The following DAB1 variants were observed in gnomAD, a reference collection of about 807,000 sequenced individuals.
The protein encoded by DAB1 is DAB adaptor protein 1.
DAB1 carries 15 observed loss-of-function variants against 64.6 expected under a neutral mutation model. The ratio of observed to expected loss-of-function variants is 0.23; its 90% CI spans 0.16 to 0.36. The LOEUF is 0.36. Ranked by LOEUF, DAB1 falls within the 10% of genes least tolerant of loss-of-function variation. The probability of loss-of-function intolerance (pLI) is 1.00; values close to 1 mark genes in which losing one functional copy is unlikely to be tolerated. For missense variants in DAB1, 596 were observed against 706.7 expected (o/e 0.84, Z 1.78); for synonymous variants, 235 against 251.9 (o/e 0.93, Z 0.64).
At chr1:57,881,143 G>A (rs554575692) in intron 1 of DAB1, among the ~76,000 whole-genome samples, 1 of 152,300 alleles carries the variant, frequency 6.6e-6, no homozygotes, top group African/African-American at 2.4e-5. Flanking sequence ...CTGTGCACAT[G>A]AAAGCAGTTT....
intron 6 of DAB1, among the ~76,000 whole-genome samples, chr1:57,815,669 TAA>T (rs542137983): frequency 2.8e-4 from 36 of 130,178 alleles, no homozygotes; most frequent in Admixed American, 4.7e-4. Flanking sequence ...TATTTTCAAC[TAA>T]AAAAAAAAAA....
chr1:57,091,857 G>A (rs1270841508), intron 4 of DAB1, among the ~76,000 whole-genome samples: 1 of 152,202 alleles, frequency 6.6e-6, no homozygotes, highest in Non-Finnish European at 1.5e-5. Flanking sequence ...GTTTTTGTTT[G>A]TTTTGGTTTT....
At chr1:57,882,152 G>T (rs1644154027) in intron 1 of DAB1, among the ~76,000 whole-genome samples, 1 of 152,190 alleles carries the variant, frequency 6.6e-6, no homozygotes, top group Non-Finnish European at 1.5e-5. Flanking sequence ...ATGATAGAGA[G>T]TTGGAAGTCA....
At chr1:58,193,888 CAG>C (rs937150699) in intron 4 of DAB1, among the ~76,000 whole-genome samples, 1 of 151,440 alleles carries the variant, frequency 6.6e-6, no homozygotes, top group Non-Finnish European at 1.5e-5. Context: ...CAAAGAAAAA[CAG>C]AGTTACAAAG....
Position 57,129,607 on chromosome 1 carries a change from A to C in DAB1, c.306+6936T>G, listed in dbSNP as rs184420080. Among the ~76,000 whole-genome samples, 230 of 152,268 alleles carry C rather than the reference A, an allele frequency of 1.5e-3. 1 individual carries two copies. The highest frequency in any genetic ancestry group is 5.1e-3 in the African/African-American group (213 of 41,552). On this transcript the variant is annotated intron_variant, in intron 4 of 14. Coordinates refer to ENST00000371236, the MANE Select transcript of DAB1 (RefSeq NM_001365792.1). ...TTTGTGAGCATCAGAAAATGACTCA[A>C]ATCTGTCCAGAGCAATGTTCAAGTC...
chr1:57,901,247 T>C (rs1644469307), intron 5 of DAB1, among the ~76,000 whole-genome samples: 1 of 152,104 alleles, frequency 6.6e-6, no homozygotes, highest in Admixed American at 6.5e-5. Context: ...AAACTTAGAA[T>C]CATGAGCGCC....
intron 1 of DAB1, among the ~76,000 whole-genome samples, chr1:57,386,321 T>C (rs922832732): frequency 1.5e-5 from 2 of 134,512 alleles, no homozygotes; most frequent in Admixed American, 8.5e-5. Flanking sequence ...ACTAGGACAA[T>C]AGAAGGTCAA....
chr1:58,496,841 G>A lies in DAB1; in HGVS notation n.257+9219C>T, dbSNP rs190571285. Among the ~76,000 whole-genome samples the A allele has an allele frequency of 1.2e-3, 190 of 152,252 alleles. 3 individuals are homozygous for A. Among genetic ancestry groups the A allele is most frequent in the African/African-American group, 4.3e-3 (178 of 41,534 alleles). ...CTGAGTTCTAAATAGATTCTACATAGATTTCTCGTGAAGACACATTTCTCA... is the reference window on the plus strand; with the variant it reads ...CTGAGTTCTAAATAGATTCTACATAAATTTCTCGTGAAGACACATTTCTCA... On this transcript the variant is annotated intron_variant and non_coding_transcript_variant, in intron 3 of 20. Transcript: ENST00000485760.
chr1:58,101,362 G>A (rs903733261), intron 5 of DAB1, among the ~76,000 whole-genome samples: 3 of 152,170 alleles, frequency 2.0e-5, no homozygotes, highest in South Asian at 2.1e-4. Context: ...AAAAAGAAAA[G>A]CCTGTCACTG....
At chr1:57,505,522 TTATGG>T (rs1442838326) in intron 7 of DAB1, among the ~76,000 whole-genome samples, 21 of 152,334 alleles carry the variant, frequency 1.4e-4, no homozygotes, top group South Asian at 1.2e-3. Context: ...GTGGGTGTCC[TTATGG>T]AAGATGGGAT....
At chr1:57,755,395 A>G (rs1000991872) in intron 6 of DAB1, among the ~76,000 whole-genome samples, 1 of 152,052 alleles carries the variant, frequency 6.6e-6, no homozygotes, top group African/African-American at 2.4e-5. Flanking sequence ...GTATATGTAT[A>G]TTTTCCCGTA....
intron 2 of DAB1, among the ~76,000 whole-genome samples, chr1:57,240,002 T>A (rs1247468634): frequency 6.6e-6 from 1 of 152,254 alleles, no homozygotes; most frequent in African/African-American, 2.4e-5. Flanking sequence ...TGAATTAAAC[T>A]GTGATTCATT....
intron 9 of DAB1, 110 bp from the exon 10 acceptor site, chr1:57,026,153 C>T (rs1646780303): frequency 3.8e-6 from 3 of 781,566 alleles, no homozygotes; most frequent in Non-Finnish European, 6.4e-6. Context: ...TTCATCATCT[C>T]TAGATAAACC....
chr1:57,778,356 T>C lies in DAB1; in HGVS notation n.551+105643A>G, dbSNP rs572635861. On this transcript the variant is annotated intron_variant and non_coding_transcript_variant, in intron 6 of 20. Coordinates refer to the DAB1 transcript ENST00000485760. ...TCATCATTTCCTCAGCTCTTCAGTTTGCCATCCCTGCTTGATATACACCTC... is the reference window on the plus strand; with the variant it reads ...TCATCATTTCCTCAGCTCTTCAGTTCGCCATCCCTGCTTGATATACACCTC... Among the ~76,000 whole-genome samples the C allele has an allele frequency of 2.6e-5, 4 of 151,842 alleles. No homozygotes were observed. In the South Asian group the frequency reaches 8.3e-4, roughly 32 times the overall value.
chr1:57,565,566 G>A (rs1645108967), intron 7 of DAB1, among the ~76,000 whole-genome samples: 1 of 152,136 alleles, frequency 6.6e-6, no homozygotes, highest in Admixed American at 6.5e-5. Context: ...TCAAAATAAA[G>A]GGATGGAGGA....
At chr1:58,518,275 G>GA (rs1480166115) in intron 2 of DAB1, among the ~76,000 whole-genome samples, 22 of 8,624 alleles carry the variant, frequency 2.6e-3, no homozygotes, top group Non-Finnish European at 3.9e-3. Context: ...GGAGAGAGGA[G>GA]AGGAGAAGAG....
chr1:57,660,890 C>G (rs4912273), intron 6 of DAB1, among the ~76,000 whole-genome samples: 46,934 of 152,128 alleles, frequency 0.31, 7,706 homozygotes, highest in Non-Finnish European at 0.38. Flanking sequence ...TAGCTTCCCA[C>G]TCTGACTGGC....
At chr1:58,455,379 C>T (rs1645183715) in intron 3 of DAB1, among the ~76,000 whole-genome samples, 1 of 152,202 alleles carries the variant, frequency 6.6e-6, no homozygotes, top group South Asian at 2.1e-4. Flanking sequence ...CCTTAATACC[C>T]TAGGATTGCA....
At chr1:58,137,629 G>A (rs1277969682) in intron 5 of DAB1, among the ~76,000 whole-genome samples, 1 of 151,858 alleles carries the variant, frequency 6.6e-6, no homozygotes, top group Non-Finnish European at 1.5e-5. Context: ...TTCAACCATT[G>A]ATTCATCCTT....
Sources: gnomAD v4.1 joint callset for allele counts (sites outside exome capture counted in the v4.1 genomes callset) on GRCh38, gnomAD v4.1.1 for gene constraint, MANE v1.5 for transcripts, NCBI Gene and HGNC (gene_info 2026-07-23, HGNC 2026-07-21) for gene names.